VEGFD: variants seen among roughly 807,000 people sequenced by gnomAD.
The protein encoded by VEGFD is vascular endothelial growth factor D, also known as c-fos induced growth factor (vascular endothelial growth factor D).
VEGFD carries 26 observed loss-of-function variants against 28.0 expected under a neutral mutation model. The ratio of observed to expected loss-of-function variants is 0.93; its 90% confidence interval spans 0.68 to 1.29. The LOEUF (loss-of-function observed/expected upper bound fraction) is 1.29. Among genes scored for constraint, VEGFD ranks in the 50% most tolerant of loss-of-function variants. The pLI is 0.00. For missense variants in VEGFD, 294 were observed against 273.4 expected, an observed-to-expected ratio of 1.08 and a Z score of -0.53; for synonymous variants, 93 against 95.5, an observed-to-expected ratio of 0.97 and a Z score of 0.15.
chrX:15,346,327 C>T (rs1419815785), intron 6 of VEGFD, 68 bp from the exon 7 acceptor site: 4 of 1,103,354 alleles, frequency 3.6e-6, no homozygotes, highest in Non-Finnish European at 4.9e-6. Flanking sequence ...TAACTCTGCT[C>T]TGATTTGATT....
At chrX:15,363,834 G>T (rs1203990640) in intron 1 of VEGFD, among the ~76,000 whole-genome samples, 2 of 112,025 alleles carry the variant, frequency 1.8e-5, no homozygotes, top group Admixed American at 9.4e-5. Context: ...ACAAGCGGGG[G>T]ATTGCCTAGA....
At chrX:15,373,281 G>A (rs1923356505) in intron 1 of VEGFD, among the ~76,000 whole-genome samples, 1 of 111,646 alleles carries the variant, frequency 9.0e-6, no homozygotes, top group African/African-American at 3.3e-5. Context: ...AGGTTTAAGG[G>A]GGGACCCTGG....
intron 5 of VEGFD, among the ~76,000 whole-genome samples, chrX:15,348,484 A>G (rs1922610533): frequency 8.9e-6 from 1 of 112,510 alleles, no homozygotes; most frequent in Admixed American, 9.4e-5. Context: ...ACCAGGACAT[A>G]CAAGGCCCTC....
intron 5 of VEGFD, among the ~76,000 whole-genome samples, chrX:15,348,288 A>G (rs756980164): frequency 2.7e-5 from 3 of 111,714 alleles, no homozygotes; most frequent in Non-Finnish European, 5.6e-5. Context: ...CACTCCCACA[A>G]TTCAGTCTGT....
chrX:15,347,300 G>C lies in VEGFD; in HGVS notation c.802C>G (p.Arg268Gly). 8.3e-7 allele frequency: 1 copy of C among 1,211,270 alleles called. No homozygotes were observed. Among genetic ancestry groups the C allele is most frequent in the East Asian group, 3.0e-5 (1 of 33,805 alleles). The part of the protein sequence containing the change: ...CGPHMMFDED[R>G]CECVCKTPCP... The stretch of plus-strand genomic sequence containing the variant: ...GGTGTTTTACAGACACACTCGCAAC[G>C]ATCTTCGTCAAACATCATGTGTGGC... The change falls in exon 6 of 7, where the codon CGT (arginine) becomes GGT (glycine). Residue 268 changes from arginine (R) to glycine (G), a missense_variant. Transcript: ENST00000297904.
chrX:15,369,834 A>C (rs1366741005), intron 1 of VEGFD, among the ~76,000 whole-genome samples: 2 of 111,974 alleles, frequency 1.8e-5, no homozygotes, highest in Non-Finnish European at 3.8e-5. Context: ...AGTTGTATAA[A>C]ATTTTTAAAA....
In VEGFD at chrX:15,383,058, CAA is replaced by C. The variant is rs1245662684; in HGVS notation, c.90+797_90+798del. ...GTCCTAAACAACAGCTACAAAAACT[CAA>C]ACTCACATTTAATTGTCTTTTCAAG... On this transcript the variant is annotated intron_variant, in intron 1 of 6. Transcript: ENST00000297904. Among the ~76,000 whole-genome samples the C allele has an allele frequency of 5.1e-4, 57 of 111,918 alleles. 2 individuals carry two copies. Among genetic ancestry groups the C allele is most frequent in the Non-Finnish European group, 3.0e-4 (16 of 53,198 alleles).
Position 15,363,208 on chromosome X carries a change from T to G in VEGFD, c.202A>C (p.Arg68=). ...HSEDWKLWRC[R]LRLKSFTSMD... ...CTGGTAAAACTTTTGAGCCTCAGCC[T>G]GCATCTCCACAGCTTCCAGTCCTCA... is the stretch of plus-strand genomic sequence containing the variant. Residue 68 remains arginine, a synonymous_variant, in exon 2 of 7, where the codon AGG becomes CGG. Transcript: ENST00000297904. 1 of 1,211,463 alleles carries G rather than the reference T, an allele frequency of 8.3e-7. No homozygotes were observed. Among genetic ancestry groups the G allele is most frequent in the South Asian group, 1.8e-5 (1 of 56,995 alleles).
chrX:15,369,745 G>C (rs1245956638), intron 1 of VEGFD, among the ~76,000 whole-genome samples: 1 of 111,211 alleles, frequency 9.0e-6, no homozygotes, highest in Non-Finnish European at 1.9e-5. Flanking sequence ...GACCTTATAT[G>C]GATGATAGCT....
Position 15,384,075 on chromosome X carries a change from C to T in VEGFD, c.-129G>A. The T allele has an allele frequency of 2.2e-6, 1 of 454,892 alleles. No individual in the cohort carries two copies. The highest frequency in any genetic ancestry group is 3.9e-5 in the South Asian group (1 of 25,965). 37.5% of individuals were successfully genotyped at this position (454,892 alleles called of 1,213,427 possible). ...AACTTCACACAGAAAACCAAATAAT[C>T]AGTTCTGATCAAAATCCAATGAAAT... On this transcript the variant is annotated 5_prime_UTR_variant, in exon 1 of 7. Coordinates refer to ENST00000297904, the MANE Select transcript of VEGFD (RefSeq NM_004469.5).
intron 5 of VEGFD, among the ~76,000 whole-genome samples, chrX:15,350,567 C>G (rs1366661153): frequency 2.7e-5 from 3 of 112,432 alleles, no homozygotes; most frequent in African/African-American, 9.7e-5. Flanking sequence ...GCGCTGTGGT[C>G]TGCTGCCTCT....
At chrX:15,378,315 G>C (rs1923485907) in intron 1 of VEGFD, among the ~76,000 whole-genome samples, 1 of 111,789 alleles carries the variant, frequency 8.9e-6, no homozygotes, top group South Asian at 3.8e-4. Context: ...AATAGCACAG[G>C]GTGAATATAC....
At chrX:15,357,916 A>T in intron 3 of VEGFD, 87 bp downstream of exon 3, 1 of 817,496 alleles carries the variant, frequency 1.2e-6, no homozygotes, top group Non-Finnish European at 1.8e-6. Flanking sequence ...AGCATTTAGT[A>T]CAGTGTTTAG....
chrX:15,349,896 G>C (rs1922646548), intron 5 of VEGFD, among the ~76,000 whole-genome samples: 1 of 111,294 alleles, frequency 9.0e-6, no homozygotes, highest in South Asian at 3.8e-4. Flanking sequence ...ATCCACATTG[G>C]GGACTTATAG....
intron 5 of VEGFD, among the ~76,000 whole-genome samples, chrX:15,352,191 G>A (rs1922747686): frequency 8.9e-6 from 1 of 112,473 alleles, no homozygotes; most frequent in African/African-American, 3.2e-5. Flanking sequence ...AGAATGGAGA[G>A]TAGGTTGCTA....
intron 5 of VEGFD, among the ~76,000 whole-genome samples, chrX:15,348,794 T>C (rs1192865279): frequency 8.9e-6 from 1 of 112,462 alleles, no homozygotes; most frequent in Non-Finnish European, 1.9e-5. Flanking sequence ...TAAAATGTCC[T>C]GAAGGAGAAG....
At chrX:15,353,565 C>T (rs1035871741) in intron 4 of VEGFD, among the ~76,000 whole-genome samples, 1 of 110,975 alleles carries the variant, frequency 9.0e-6, no homozygotes, top group African/African-American at 3.3e-5. Context: ...TATGGAGAAA[C>T]CCCATCTCTA....
At chrX:15,376,376 T>C in intron 1 of VEGFD, among the ~76,000 whole-genome samples, 1 of 112,091 alleles carries the variant, frequency 8.9e-6, no homozygotes, top group East Asian at 2.8e-4. Flanking sequence ...CTTAATCCTC[T>C]GACTCCCAGC....
At chrX:15,382,043 G>A (rs1453292897) in intron 1 of VEGFD, among the ~76,000 whole-genome samples, 8 of 111,612 alleles carry the variant, frequency 7.2e-5, no homozygotes, top group South Asian at 3.7e-4. Context: ...AGTGCCAGCC[G>A]GGCGCGGTGG....
Sources: allele counts gnomAD v4.1 joint callset (sites outside exome capture counted in the v4.1 genomes callset), GRCh38; gene constraint gnomAD v4.1.1; transcripts MANE v1.5; gene names NCBI Gene and HGNC (gene_info 2026-07-23, HGNC 2026-07-21).